FAM228B: variants seen among roughly 807,000 people sequenced by gnomAD.
FAM228B encodes family with sequence similarity 228 member B, also known as protein FAM228B.
FAM228B carries 38 observed loss-of-function variants against 42.6 expected under a neutral mutation model. The ratio of observed to expected loss-of-function variants is 0.89; its 90% confidence interval spans 0.69 to 1.17. The LOEUF (loss-of-function observed/expected upper bound fraction) is 1.17, where lower values mean the gene tolerates loss of function less well. FAM228B is among the 50% of genes most tolerant of loss of function. The pLI, the probability that FAM228B is intolerant of heterozygous loss-of-function variation, is 0.00. For missense variants in FAM228B, 344 were observed against 367.3 expected (o/e 0.94, Z 0.52); for synonymous variants, 109 against 122.3 (o/e 0.89, Z 0.72).
chr2:24,155,471 G>T (rs1212047653), intron 7 of FAM228B, among the ~76,000 whole-genome samples: 1 of 138,908 alleles, frequency 7.2e-6, no homozygotes, highest in Non-Finnish European at 1.5e-5. Flanking sequence ...TACACACTAA[G>T]CAAGTGTGTG....
At chr2:24,098,520 T>G (rs1342620286) in intron 3 of FAM228B, among the ~76,000 whole-genome samples, 1 of 152,136 alleles carries the variant, frequency 6.6e-6, no homozygotes, top group African/African-American at 2.4e-5. Context: ...GCAAATAAAC[T>G]AGAAAATCTA....
At chr2:24,127,307 A>G (rs1167087680) in intron 2 of FAM228B, among the ~76,000 whole-genome samples, 1 of 152,116 alleles carries the variant, frequency 6.6e-6, no homozygotes, top group East Asian at 1.9e-4. Flanking sequence ...ATAATATTCC[A>G]TTGTCTCAGT....
upstream of FAM228B, among the ~76,000 whole-genome samples, chr2:24,119,901 G>C (rs1186552095): frequency 6.6e-6 from 1 of 152,074 alleles, no homozygotes; most frequent in African/African-American, 2.4e-5. Context: ...AAAAGTTTCA[G>C]ACTGTTATAA....
chr2:24,124,404 C>G lies in FAM228B; in HGVS notation c.43C>G (p.Pro15Ala). Reference protein sequence around the residue: ...DSDDLVTGTLPKLKSSKEWLE... With the variant: ...DSDDLVTGTLAKLKSSKEWLE... ...TGATGATCTGGTAACTGGCACACTT[C>G]CCAAGCTCAAGAGCTCAAAAGAATG... The change falls in exon 2 of 11, where the codon CCC becomes GCC. Residue 15 changes from proline (P) to alanine (A), a missense_variant. By Grantham distance (27) the Pro-to-Ala change is conservative (BLOSUM62 -1). Coordinates refer to ENST00000615575, the MANE Select transcript of FAM228B (RefSeq NM_001145710.2). 1 of 1,552,026 alleles carries G rather than the reference C, an allele frequency of 6.4e-7. No individual in the cohort carries two copies. The highest frequency in any genetic ancestry group is 8.7e-7 in the Non-Finnish European group (1 of 1,147,016).
At position 24,140,187 on chromosome 2, in the gene FAM228B, C is replaced by T. The variant is rs190849753; in HGVS notation, c.441+737C>T. ...ACAGATGTGGTGTTTTGTTTTGTTT[C>T]GTTTTTTCAGAGGGAGTCTCACTCT... On this transcript the variant is annotated intron_variant, in intron 5 of 10. Transcript: ENST00000615575. 2.4e-3 allele frequency among the ~76,000 whole-genome samples: 365 copies of T among 152,128 alleles called. 2 individuals are homozygous for T. Among genetic ancestry groups the T allele is most frequent in the African/African-American group, 8.3e-3 (346 of 41,520 alleles).
At chr2:24,156,191 C>T (rs369641731) in intron 7 of FAM228B, among the ~76,000 whole-genome samples, 2 of 152,180 alleles carry the variant, frequency 1.3e-5, no homozygotes, top group Non-Finnish European at 1.5e-5. Context: ...CAAAAGTGAG[C>T]GAGTCGTGCT....
intron 2 of FAM228B, chr2:24,087,243 T>C (rs531890837): frequency 1.4e-4 from 21 of 152,230 alleles, no homozygotes; most frequent in African/African-American, 4.8e-4. Context: ...AAACATCTCT[T>C]TCTTTCTTTT....
chr2:24,155,529 ATATTTTTT>A (rs1330752440), intron 7 of FAM228B, among the ~76,000 whole-genome samples: 135 of 12,570 alleles, frequency 0.011, no homozygotes, highest in African/African-American at 0.021. Flanking sequence ...ATATATATAT[ATATTTTTT>A]TTTTTTTTTT....
At chr2:24,128,725 A>G (rs1666374331) in intron 2 of FAM228B, among the ~76,000 whole-genome samples, 1 of 151,996 alleles carries the variant, frequency 6.6e-6, no homozygotes, top group African/African-American at 2.4e-5. Flanking sequence ...ACAAGTGCAC[A>G]GATTTCCCAT....
intron 5 of FAM228B, among the ~76,000 whole-genome samples, chr2:24,141,151 T>C (rs1340253537): frequency 6.6e-6 from 1 of 151,926 alleles, no homozygotes; most frequent in East Asian, 2.0e-4. Context: ...TCTCGGCTCC[T>C]GCAACCTCCC....
intron 2 of FAM228B, among the ~76,000 whole-genome samples, chr2:24,092,098 C>T (rs1573731540): frequency 6.6e-6 from 1 of 151,266 alleles, no homozygotes; most frequent in East Asian, 2.0e-4. Context: ...GTGGCATGTG[C>T]CTGTAGTTCC....
At chr2:24,130,472 T>C (rs1174438385) in intron 2 of FAM228B, among the ~76,000 whole-genome samples, 2 of 152,214 alleles carry the variant, frequency 1.3e-5, no homozygotes, top group African/African-American at 4.8e-5. Context: ...CACAAGCATG[T>C]ATTGTTTCTT....
chr2:24,080,787 AT>A lies in FAM228B; in HGVS notation c.-289-87del. 6.2e-7 allele frequency: 1 copy of A among 1,612,924 alleles called. No homozygotes were observed. Among genetic ancestry groups the A allele is most frequent in the Non-Finnish European group, 8.5e-7 (1 of 1,179,312 alleles). On this transcript the variant is annotated intron_variant, in intron 1 of 10. Transcript: ENST00000613899. This position sits in a 1 kb window ranked among gnomAD's most constrained non-coding sequence, Gnocchi z 4.7. ...GGGCTTTTATTTAATCATCTCTTAA[AT>A]TCCTGCTGAACTGTAGAAGCAGTTG...
intron 1 of FAM228B, chr2:24,079,249 A>G: frequency 1.7e-6 from 1 of 585,956 alleles, no homozygotes; most frequent in Non-Finnish European, 3.0e-6. Flanking sequence ...ACTTCTTTTC[A>G]TGATACTGAA....
At chr2:24,121,390 C>G, upstream of FAM228B, 1 of 1,270,626 alleles carries the variant, frequency 7.9e-7, no homozygotes, top group Middle Eastern at 2.2e-4. Context: ...TTATGGCCTG[C>G]AAGCTAAGAA....
chr2:24,099,911 C>G (rs1665572859), intron 3 of FAM228B, among the ~76,000 whole-genome samples: 1 of 152,138 alleles, frequency 6.6e-6, no homozygotes, highest in African/African-American at 2.4e-5. Flanking sequence ...GTACTGGTAC[C>G]AAAACAGATA....
At chr2:24,154,123 T>G (rs1260673773) in intron 7 of FAM228B, among the ~76,000 whole-genome samples, 1 of 36,200 alleles carries the variant, frequency 2.8e-5, no homozygotes, top group African/African-American at 4.2e-5. Flanking sequence ...CCTCCTGCTC[T>G]CCTCATGCCT....
intron 3 of FAM228B, among the ~76,000 whole-genome samples, chr2:24,108,666 C>A (rs1239100214): frequency 6.6e-6 from 1 of 152,066 alleles, no homozygotes; most frequent in African/African-American, 2.4e-5. Context: ...CTTTGGGAGG[C>A]CTAGACGGGC....
chr2:24,113,409 C>T (rs1432659730), intron 3 of FAM228B, among the ~76,000 whole-genome samples: 1 of 151,992 alleles, frequency 6.6e-6, no homozygotes, highest in Non-Finnish European at 1.5e-5. Context: ...CCCATCTTTA[C>T]AAAAAATTTA....
Sources: allele counts gnomAD v4.1 joint callset (sites outside exome capture counted in the v4.1 genomes callset), GRCh38; gene constraint gnomAD v4.1.1; non-coding constraint Gnocchi (gnomAD v3.1); transcripts MANE v1.5; gene names NCBI Gene and HGNC (gene_info 2026-07-23, HGNC 2026-07-21).